The following SF1 variants were observed in gnomAD, a reference collection of about 807,000 sequenced individuals.
SF1 encodes the protein splicing factor 1.
SF1 carries 7 observed loss-of-function variants against 62.5 expected under a neutral mutation model. The observed-to-expected ratio is 0.11, with a 90% CI of 0.06 to 0.21. The LOEUF (loss-of-function observed/expected upper bound fraction) is 0.21, where lower values mean the gene tolerates loss of function less well. Ranked by LOEUF, SF1 falls within the 10% of genes least tolerant of loss-of-function variation. The pLI is 1.00. For missense variants in SF1, 578 were observed against 884.0 expected, an observed-to-expected ratio of 0.65 and a Z score of 4.39; for synonymous variants, 394 against 323.6, an observed-to-expected ratio of 1.22 and a Z score of -2.33.
chr11:64,771,416 G>C, intron 3 of SF1: 1 of 969,494 alleles, frequency 1.0e-6, no homozygotes, highest in Non-Finnish European at 1.2e-6. Context: ...AGACCATGTG[G>C]ATCAGGTTAT....
At chr11:64,767,868 A>T (rs1158267599) in intron 9 of SF1, 24 bp from the exon 10 acceptor site, 1 of 1,603,918 alleles carries the variant, frequency 6.2e-7, no homozygotes. Flanking sequence ...TTTCCTGCCA[A>T]CGTCCCTGCC....
chr11:64,766,269 C>G (rs1048718749), intron 12 of SF1, 114 bp from the exon 13 acceptor site: 2 of 5,858 alleles, frequency 3.4e-4, no homozygotes, highest in South Asian at 3.0e-3. Context: ...GCATGCGGTA[C>G]GGTGGTGGGG....
In SF1 at chr11:64,776,638, A is replaced by G; in HGVS notation, c.32-12T>C. On this transcript the variant is annotated splice_polypyrimidine_tract_variant and intron_variant, in intron 1 of 12. Transcript: ENST00000377390. ...CTTACTTGGGAAGTCTAAAAGGCAG[A>G]GACAAAATCCATCCGATGTAAATAC... 1.2e-6 allele frequency: 2 copies of G among 1,605,870 alleles called. No individual in the cohort carries two copies. The highest frequency in any genetic ancestry group is 1.3e-5 in the African/African-American group (1 of 74,326).
chr11:64,769,980 G>A lies in SF1; in HGVS notation c.463C>T (p.Leu155=). Residue 155 remains leucine (L), a synonymous_variant, in exon 5 of 13, where the codon CTG becomes TTG. Coordinates refer to ENST00000377390, the MANE Select transcript of SF1 (RefSeq NM_004630.4). The stretch of plus-strand genomic sequence containing the variant: ...GTTACTCACCTGGGCCCGATGAGCA[G>A]CCCCACAAAGTTGATTTCTGGGTAC... ...DEYPEINFVG[L]LIGPRGNTLK... The A allele has an allele frequency of 6.2e-7, 1 of 1,613,232 alleles. No homozygotes were observed. The highest frequency in any genetic ancestry group is 8.5e-7 in the Non-Finnish European group (1 of 1,179,198).
intron 1 of SF1, chr11:64,777,841 C>A (rs1188677327): frequency 3.1e-6 from 3 of 957,800 alleles, no homozygotes; most frequent in Non-Finnish European, 3.7e-6. Flanking sequence ...CCAGGCCGCG[C>A]GCGCCCAGGG....
intron 3 of SF1, chr11:64,771,923 G>A (rs1027661506): frequency 5.1e-6 from 5 of 985,196 alleles, no homozygotes; most frequent in African/African-American, 3.5e-5. Context: ...TAGAAGGGAG[G>A]AAAAACCCTG....
rs190189587 is a variant in SF1, at chr11:64,769,750, A to C, written c.480-141T>G. ...CCACCAAGAGCTCCATGAACTCTAT[A>C]TTATGGTCAGCCACAGTAAACCTGA... On this transcript the variant is annotated intron_variant, in intron 5 of 12. Transcript: ENST00000377390. 76 of 830,522 alleles carry C rather than the reference A, an allele frequency of 9.2e-5. 1 individual carries two copies. The East Asian group carries it at 2.0e-3, about 22-fold the overall frequency. 51.4% of individuals were successfully genotyped at this position (830,522 alleles called of 1,614,324 possible).
Position 64,770,057 on chromosome 11 carries a change from A to T in SF1, c.390-4T>A, listed in dbSNP as rs778385946. 1 of 1,612,404 alleles carries T rather than the reference A, an allele frequency of 6.2e-7. No homozygotes were observed. The highest frequency in any genetic ancestry group is 8.5e-7 in the Non-Finnish European group (1 of 1,178,460). ...ACTCACACGTGTTGCTGGAGGTCTA[A>T]GAAAGAAAAGCCTGTGTCACCGCAC... is the stretch of plus-strand genomic sequence containing the variant. On this transcript the variant is annotated splice_region_variant and splice_polypyrimidine_tract_variant and intron_variant, in intron 4 of 12. Coordinates refer to ENST00000377390, the MANE Select transcript of SF1 (RefSeq NM_004630.4).
In SF1 at chr11:64,770,301, T is replaced by C. The variant is rs1055312883; in HGVS notation, c.344A>G (p.Glu115Gly). ...GAAATCCGGATTGAGTGCAACCATC[T>C]CTGTGATGAGGTTGTGCCGCTCCTC... ...LEEERHNLIT[E>G]MVALNPDFKP... Residue 115 changes from glutamate (E) to glycine (G), a missense_variant, in exon 4 of 13, where the codon GAG (glutamate) becomes GGG (glycine). By Grantham distance (98) the Glu-to-Gly change is moderately conservative. Around this residue, in one of 7 missense-constraint regions of SF1, gnomAD observed 68 missense variants for 170.7 expected, o/e 0.40. Transcript: ENST00000377390. 1 of 1,613,996 alleles carries C rather than the reference T, an allele frequency of 6.2e-7. No individual in the cohort carries two copies. The highest frequency in any genetic ancestry group is 8.5e-7 in the Non-Finnish European group (1 of 1,179,974).
chr11:64,769,895 A>T, intron 5 of SF1, 69 bp downstream of exon 5: 1 of 1,201,018 alleles, frequency 8.3e-7, no homozygotes, highest in Non-Finnish European at 1.2e-6. Flanking sequence ...GTCCCCAATT[A>T]GGCACAAAAC....
At chr11:64,768,401 T>A in intron 8 of SF1, 115 bp from the exon 9 acceptor site, 2 of 931,848 alleles carry the variant, frequency 2.1e-6, no homozygotes, top group South Asian at 2.9e-5. Flanking sequence ...CACCAGATCA[T>A]CACACATCTT....
rs374611000 is a variant in SF1 at position 64,769,966 on chromosome 11, G to A, written c.477C>T (p.Pro159=). 46 of 1,610,790 alleles carry A rather than the reference G, an allele frequency of 2.9e-5. No individual in the cohort carries two copies. In the African/African-American group the frequency reaches 3.1e-4, roughly 11 times the overall value. ...CCTATAGACCAGCAGTTACTCACCT[G>A]GGCCCGATGAGCAGCCCCACAAAGT... is the stretch of plus-strand genomic sequence containing the variant. ...EINFVGLLIG[P]RGNTLKNIEK... The change falls in exon 5 of 13, where the codon CCC becomes CCT. Residue 159 remains proline (P), a splice_region_variant and synonymous_variant. Coordinates refer to ENST00000377390, the MANE Select transcript of SF1 (RefSeq NM_004630.4).
At chr11:64,768,308 A>G (rs1399402893) in intron 8 of SF1, 22 bp from the exon 9 acceptor site, 1 of 1,607,272 alleles carries the variant, frequency 6.2e-7, no homozygotes, top group Non-Finnish European at 8.5e-7. Context: ...TGGGGGACAC[A>G]AACAGAGAAA....
intron 1 of SF1, chr11:64,777,889 C>G (rs1052107658): frequency 9.6e-6 from 9 of 938,000 alleles, no homozygotes; most frequent in Non-Finnish European, 1.1e-5. Context: ...CGCACGCGCG[C>G]CCCTGCCGCG....
chr11:64,774,336 A>T (rs549095400), intron 2 of SF1, among the ~76,000 whole-genome samples: 1 of 152,224 alleles, frequency 6.6e-6, no homozygotes. Flanking sequence ...GTGCATGAAA[A>T]AGAGAGATGA....
In SF1 at chr11:64,770,002, G is replaced by A; in HGVS notation, c.441C>T (p.Tyr147=). Residue 147 remains tyrosine (Y), a synonymous_variant, in exon 5 of 13, where the codon TAC becomes TAT. Transcript: ENST00000377390. ...GCAGCCCCACAAAGTTGATTTCTGGGTACTCATCTTGTGGAATCATGACTT... is the reference window on the plus strand; with the variant it reads ...GCAGCCCCACAAAGTTGATTTCTGGATACTCATCTTGTGGAATCATGACTT... The part of the protein sequence containing the change: ...SDKVMIPQDE[Y]PEINFVGLLI... The A allele has an allele frequency of 1.2e-6, 2 of 1,614,040 alleles. No homozygotes were observed. The highest frequency in any genetic ancestry group is 1.7e-6 in the Non-Finnish European group (2 of 1,179,932).
At chr11:64,768,722 A>G (rs925440727) in intron 8 of SF1, among the ~76,000 whole-genome samples, 1 of 152,236 alleles carries the variant, frequency 6.6e-6, no homozygotes, top group African/African-American at 2.4e-5. Context: ...AGAAATCTGT[A>G]GAGATTGCTT....
intron 1 of SF1, chr11:64,777,567 G>A (rs1939513520): frequency 3.0e-6 from 3 of 985,276 alleles, no homozygotes; most frequent in Admixed American, 6.1e-5. Flanking sequence ...TTCCCATTCT[G>A]GTTCCTCAAG....
Position 64,770,009 on chromosome 11 carries a change from T to A in SF1, c.434A>T (p.Asp145Val). ...RVSDKVMIPQ[D>V]EYPEINFVGL... ...CACAAAGTTGATTTCTGGGTACTCA[T>A]CTTGTGGAATCATGACTTTATCACT... Residue 145 changes from aspartate to valine, a missense_variant, in exon 5 of 13, where the codon GAT becomes GTT. This residue lies in a region of SF1 where 68 missense variants were observed against 170.7 expected (regional missense o/e 0.40). Transcript: ENST00000377390. The A allele has an allele frequency of 6.2e-7, 1 of 1,614,144 alleles. No individual in the cohort carries two copies. The highest frequency in any genetic ancestry group is 8.5e-7 in the Non-Finnish European group (1 of 1,179,984).
Sources: gnomAD v4.1 joint callset for allele counts (sites outside exome capture counted in the v4.1 genomes callset) on GRCh38, gnomAD v4.1.1 for gene constraint, gnomAD v4.1.1 regional missense constraint, MANE v1.5 for transcripts, NCBI Gene and HGNC (gene_info 2026-07-23, HGNC 2026-07-21) for gene names.